Variants in CCDC30 observed in about 807,000 individuals in gnomAD.
The protein encoded by CCDC30 is coiled-coil domain-containing protein 30.
Under a neutral mutation model 100.2 loss-of-function variants are expected in CCDC30, and 70 were observed. The observed-to-expected ratio is 0.70, with a 90% CI of 0.58 to 0.85. The LOEUF (loss-of-function observed/expected upper bound fraction) is 0.85. Ranked by LOEUF, CCDC30 falls within the 40% of genes least tolerant of loss-of-function variation. The pLI, the probability that CCDC30 is intolerant of heterozygous loss-of-function variation, is 0.00. For missense variants in CCDC30, 652 were observed against 771.2 expected, an observed-to-expected ratio of 0.85 and a Z score of 1.83; for synonymous variants, 233 against 269.5, an observed-to-expected ratio of 0.86 and a Z score of 1.33.
chr1:42,653,422 T>C, exon 16 of CCDC30: 1 of 1,605,024 alleles, frequency 6.2e-7, no homozygotes, highest in Non-Finnish European at 8.5e-7. Context: ...GTGAATGAAA[T>C]ATTGCCTTTA....
intron 11 of CCDC30, among the ~76,000 whole-genome samples, chr1:42,616,376 CT>C (rs1192704305): frequency 6.6e-6 from 1 of 152,186 alleles, no homozygotes; most frequent in African/African-American, 2.4e-5. Context: ...TGGATCAATA[CT>C]TTTCTAAAAG....
chr1:42,648,540 T>C (rs1435834974), intron 15 of CCDC30, among the ~76,000 whole-genome samples: 1 of 151,864 alleles, frequency 6.6e-6, no homozygotes, highest in Non-Finnish European at 1.5e-5. Flanking sequence ...CGTGGTGGCA[T>C]GCACCTGTAA....
intron 6 of CCDC30, among the ~76,000 whole-genome samples, chr1:42,505,685 A>C (rs1644383871): frequency 6.6e-6 from 1 of 152,246 alleles, no homozygotes; most frequent in Admixed American, 6.5e-5. Flanking sequence ...TTTAAAGCCA[A>C]GTCCAGCCAT....
At chr1:42,585,945 T>A (rs1178721977) in intron 9 of CCDC30, among the ~76,000 whole-genome samples, 2 of 152,202 alleles carry the variant, frequency 1.3e-5, no homozygotes, top group African/African-American at 2.4e-5. Flanking sequence ...TCTTTTAGAC[T>A]TTTTTGCTAT....
chr1:42,545,389 G>T (rs1415350518), intron 6 of CCDC30, 21 bp from the exon 9 acceptor site: 1 of 1,540,442 alleles, frequency 6.5e-7, no homozygotes. Context: ...TAGAATATTT[G>T]TCTTTCACTT....
chr1:42,523,537 A>C (rs1286390901), intron 6 of CCDC30, among the ~76,000 whole-genome samples: 1 of 150,770 alleles, frequency 6.6e-6, no homozygotes, highest in Non-Finnish European at 1.5e-5. Context: ...TTTGTCTTTC[A>C]ACGGTTTGAT....
At chr1:42,607,935 C>A (rs993606420) in intron 10 of CCDC30, among the ~76,000 whole-genome samples, 4 of 152,290 alleles carry the variant, frequency 2.6e-5, no homozygotes, top group South Asian at 2.1e-4. Context: ...ATGCCCCTGG[C>A]CACCCAGAAC....
At chr1:42,469,118 C>T (rs1050255820) in intron 1 of CCDC30, among the ~76,000 whole-genome samples, 7 of 152,164 alleles carry the variant, frequency 4.6e-5, no homozygotes, top group African/African-American at 1.7e-4. Flanking sequence ...GTGGCTCACG[C>T]CTGTAATCCC....
At position 42,589,399 on chromosome 1, in the gene CCDC30, G is replaced by GTTGCT. The variant is rs1479878172; in HGVS notation, c.1080_1081insTTGCT (p.Thr361LeufsTer60). 2 of 1,613,624 alleles carry GTTGCT rather than the reference G, an allele frequency of 1.2e-6. No individual in the cohort carries two copies. Among genetic ancestry groups the GTTGCT allele is most frequent in the African/African-American group, 2.7e-5 (2 of 74,882 alleles). Reference sequence around the variant, plus strand: ...AAGATAAAGAAAATCTACTGGAAATGACCTGTTCTCAGCAACAATCCAGAA... The same window carrying GTTGCT: ...AAGATAAAGAAAATCTACTGGAAATGTTGCTACCTGTTCTCAGCAACAATCCAGAA... On this transcript the variant is annotated frameshift_variant, in exon 10 of 17. Transcript: ENST00000668663. LOFTEE classifies it high-confidence loss of function.
chr1:42,613,982 C>G (rs1646676127), intron 11 of CCDC30, among the ~76,000 whole-genome samples: 1 of 152,108 alleles, frequency 6.6e-6, no homozygotes, highest in South Asian at 2.1e-4. Flanking sequence ...AATTTTTCTG[C>G]CTTCATTATA....
At chr1:42,513,104 C>G (rs535489012) in intron 6 of CCDC30, among the ~76,000 whole-genome samples, 1 of 152,274 alleles carries the variant, frequency 6.6e-6, no homozygotes, top group South Asian at 2.1e-4. Flanking sequence ...GAAGTAGCAT[C>G]ATTGTCTGGG....
intron 6 of CCDC30, among the ~76,000 whole-genome samples, chr1:42,551,868 C>T (rs1228886166): frequency 2.0e-5 from 3 of 152,010 alleles, no homozygotes; most frequent in Non-Finnish European, 4.4e-5. Context: ...GATCCTCCCA[C>T]CTCAGCCTCC....
the CCDC30 span, chr1:42,457,142 C>T: frequency 4.1e-5 from 65 of 1,588,772 alleles, no homozygotes; most frequent in Non-Finnish European, 5.6e-5. Context: ...TATCCCCTTA[C>T]CTCCTGCTTA....
At chr1:42,460,023 G>C, upstream of CCDC30, 1 of 1,450,030 alleles carries the variant, frequency 6.9e-7, no homozygotes, top group East Asian at 2.4e-5. Flanking sequence ...CAGATAAAAT[G>C]AAAGAAAGGG....
At chr1:42,475,647 G>GTGTATTTTC (rs2148447602) in intron 1 of CCDC30, among the ~76,000 whole-genome samples, 1 of 152,280 alleles carries the variant, frequency 6.6e-6, no homozygotes, top group African/African-American at 2.4e-5. Flanking sequence ...AATGTTTTAA[G>GTGTATTTTC]TGTATTTTCT....
chr1:42,616,373 A>G lies in CCDC30; in HGVS notation c.1277+5283A>G, dbSNP rs142304801. ...CTGTGGGCACAGGGTCTGTGGATCA[A>G]TACTTTTCTAAAAGCATCCTTGTGT... is the stretch of plus-strand genomic sequence containing the variant. On this transcript the variant is annotated intron_variant, in intron 11 of 16. Transcript: ENST00000668663. Among the ~76,000 whole-genome samples the G allele has an allele frequency of 6.6e-4, 100 of 152,356 alleles. 2 individuals are homozygous for G. Among genetic ancestry groups the G allele is most frequent in the Middle Eastern group, 3.4e-3 (1 of 294 alleles).
chr1:42,619,921 C>A (rs1646799159), intron 11 of CCDC30, among the ~76,000 whole-genome samples: 1 of 152,154 alleles, frequency 6.6e-6, no homozygotes, highest in Non-Finnish European at 1.5e-5. Context: ...TCATTTCCTT[C>A]AACTTACAAG....
At chr1:42,471,615 A>G (rs1198874138) in intron 1 of CCDC30, among the ~76,000 whole-genome samples, 3 of 152,206 alleles carry the variant, frequency 2.0e-5, no homozygotes, top group Admixed American at 2.0e-4. Context: ...AACCACAAAT[A>G]ACTGTATGAT....
intron 11 of CCDC30, among the ~76,000 whole-genome samples, chr1:42,635,339 C>G (rs4397688): frequency 0.13 from 20,258 of 152,064 alleles, 1,568 homozygotes; most frequent in East Asian, 0.28. Flanking sequence ...AGCCACCGTG[C>G]CTGGCTAGAT....
Sources: allele counts gnomAD v4.1 joint callset (sites outside exome capture counted in the v4.1 genomes callset), GRCh38; gene constraint gnomAD v4.1.1; transcripts MANE v1.5; gene names NCBI Gene and HGNC (gene_info 2026-07-23, HGNC 2026-07-21).